RALGPS1: variants seen among roughly 807,000 people sequenced by gnomAD.
RALGPS1 encodes the protein ras-specific guanine nucleotide-releasing factor RalGPS1.
A neutral mutation model predicts 78.8 loss-of-function variants in RALGPS1; 19 were observed. That is an observed-to-expected ratio of 0.24 (90% CI 0.17 to 0.35). RALGPS1 has a LOEUF of 0.35. Among genes scored for constraint, RALGPS1 ranks in the 10% least tolerant of loss-of-function variants. RALGPS1 has a pLI of 1.00. For synonymous variants in RALGPS1, 228 were observed against 256.3 expected (o/e 0.89, Z 1.06); for missense variants, 454 against 688.3 (o/e 0.66, Z 3.81).
rs1204522235 is a variant in RALGPS1, at chr9:127,183,406, T to C, written c.910+8624T>C. 6.6e-6 allele frequency among the ~76,000 whole-genome samples: 1 copy of C among 152,094 alleles called. No homozygotes were observed. Among genetic ancestry groups the C allele is most frequent in the African/African-American group, 2.4e-5 (1 of 41,406 alleles). On this transcript the variant is annotated intron_variant, in intron 11 of 18. Coordinates refer to ENST00000259351, the MANE Select transcript of RALGPS1 (RefSeq NM_014636.3). The surrounding 1 kb of genome is among the most constrained non-coding windows in gnomAD (Gnocchi z 4.0). Reference sequence around the variant, plus strand: ...CAAAGTCTGGTGCCCACTGCCAGCTTCCTGATGTTTGGGTCCCCTCCAGCC... The same window carrying C: ...CAAAGTCTGGTGCCCACTGCCAGCTCCCTGATGTTTGGGTCCCCTCCAGCC...
chr9:127,132,311 A>G (rs1232272302), intron 8 of RALGPS1, among the ~76,000 whole-genome samples: 4 of 152,190 alleles, frequency 2.6e-5, no homozygotes, highest in African/African-American at 9.7e-5. Context: ...CTTTCCTGAT[A>G]CAGAAAAGGA....
intron 8 of RALGPS1, among the ~76,000 whole-genome samples, chr9:127,149,857 G>T (rs1463000966): frequency 6.6e-6 from 1 of 152,222 alleles, no homozygotes; most frequent in African/African-American, 2.4e-5. Flanking sequence ...AGGTCATGAT[G>T]CTTTCCTTGG....
intron 8 of RALGPS1, among the ~76,000 whole-genome samples, chr9:127,072,649 A>G (rs1433455306): frequency 6.6e-6 from 1 of 152,212 alleles, no homozygotes; most frequent in African/African-American, 2.4e-5. Flanking sequence ...CATGCTGGAA[A>G]AGAAGGTGTA....
Position 127,076,646 on chromosome 9 carries a change from G to A in RALGPS1, c.610+7290G>A, listed in dbSNP as rs370826346. On this transcript the variant is annotated intron_variant, in intron 8 of 18. Coordinates refer to ENST00000259351, the MANE Select transcript of RALGPS1 (RefSeq NM_014636.3). ...TATCTAAAAGGGCTTTCAAAAAGAA[G>A]TGATCATTGGTCAAAAAAAGTGTTT... is the stretch of plus-strand genomic sequence containing the variant. Among the ~76,000 whole-genome samples, 6 of 152,336 alleles carry A rather than the reference G, an allele frequency of 3.9e-5. No homozygotes were observed. The East Asian group carries it at 5.8e-4, about 15-fold the overall frequency.
chr9:127,185,537 C>T (rs1257900214), intron 11 of RALGPS1, among the ~76,000 whole-genome samples: 2 of 152,230 alleles, frequency 1.3e-5, no homozygotes, highest in African/African-American at 4.8e-5. Context: ...ATTTGCATGG[C>T]AGTGTTAATG....
At chr9:126,939,575 G>C (rs913752648) in intron 1 of RALGPS1, among the ~76,000 whole-genome samples, 1 of 152,174 alleles carries the variant, frequency 6.6e-6, no homozygotes, top group East Asian at 1.9e-4. Flanking sequence ...ACATGAGATG[G>C]GTACAATCCT....
intron 4 of RALGPS1, 113 bp downstream of exon 4, chr9:126,977,858 GTTATC>G: frequency 1.4e-6 from 1 of 715,362 alleles, no homozygotes; most frequent in Non-Finnish European, 2.3e-6. Flanking sequence ...ATAAATGCAT[GTTATC>G]CATTTAAACC....
chr9:126,930,054 A>G (rs1325471734), intron 1 of RALGPS1, among the ~76,000 whole-genome samples: 1 of 150,196 alleles, frequency 6.7e-6, no homozygotes, highest in African/African-American at 2.5e-5. Context: ...CTAGTGTTGA[A>G]CTCCTGGCCT....
chr9:127,186,998 C>G (rs1350782194), intron 11 of RALGPS1, among the ~76,000 whole-genome samples: 1 of 152,144 alleles, frequency 6.6e-6, no homozygotes, highest in Admixed American at 6.5e-5. Context: ...GAAAAGGAGT[C>G]AGGCAGGAGT....
At chr9:127,128,749 C>T (rs1284617148) in intron 8 of RALGPS1, among the ~76,000 whole-genome samples, 1 of 152,194 alleles carries the variant, frequency 6.6e-6, no homozygotes, top group African/African-American at 2.4e-5. Context: ...CCACATGTTC[C>T]CTGGCTCTGG....
At chr9:127,118,845 G>C (rs1388686680) in intron 8 of RALGPS1, among the ~76,000 whole-genome samples, 1 of 152,194 alleles carries the variant, frequency 6.6e-6, no homozygotes, top group Admixed American at 6.5e-5. Flanking sequence ...TACCTGCTTT[G>C]GCAGGGCTGC....
chr9:127,021,791 G>C (rs994412663), intron 4 of RALGPS1, among the ~76,000 whole-genome samples: 5 of 152,154 alleles, frequency 3.3e-5, no homozygotes, highest in Non-Finnish European at 1.5e-5. Context: ...TGTGAGCAGA[G>C]CTGCTGGCGG....
At chr9:127,184,269 G>A (rs866007250) in intron 11 of RALGPS1, 14 of 471,122 alleles carry the variant, frequency 3.0e-5, no homozygotes, top group East Asian at 4.3e-5. Context: ...ACAGTGAGCC[G>A]TGATCGCGCC....
chr9:127,009,036 T>G (rs994596336), intron 4 of RALGPS1, among the ~76,000 whole-genome samples: 8 of 152,218 alleles, frequency 5.3e-5, no homozygotes, highest in Admixed American at 6.5e-5. Flanking sequence ...CCTAGAGGCT[T>G]ATTTTTGTCA....
intron 17 of RALGPS1, 131 bp downstream of exon 17, chr9:127,213,180 A>G (rs1026392795): frequency 6.8e-6 from 10 of 1,474,744 alleles, no homozygotes; most frequent in Non-Finnish European, 9.0e-6. Context: ...TCTGACGTTC[A>G]TGGGGTCCAT....
chr9:127,203,554 C>G (rs2061761559), intron 14 of RALGPS1, among the ~76,000 whole-genome samples: 1 of 151,704 alleles, frequency 6.6e-6, no homozygotes, highest in Admixed American at 6.6e-5. Flanking sequence ...AGAGGAGGCC[C>G]CTGTAGTGGG....
chr9:126,972,099 G>A (rs985108840), intron 3 of RALGPS1, among the ~76,000 whole-genome samples: 7 of 152,210 alleles, frequency 4.6e-5, no homozygotes, highest in African/African-American at 1.7e-4. Context: ...TGTTCAAGAT[G>A]AGCCTGGTAC....
At position 127,210,060 on chromosome 9, in the gene RALGPS1, C is replaced by G. The variant is rs1224639979; in HGVS notation, c.1248-2071C>G. 2.6e-5 allele frequency among the ~76,000 whole-genome samples: 4 copies of G among 152,130 alleles called. No individual in the cohort carries two copies. In the East Asian group the frequency reaches 7.7e-4, roughly 29 times the overall value. On this transcript the variant is annotated intron_variant, in intron 14 of 18. Coordinates refer to ENST00000259351, the MANE Select transcript of RALGPS1 (RefSeq NM_014636.3). ...GGTGCCTCCCCGCGAAGAGGCTGAA[C>G]AGGAAGCTGCACGTTGCCCTGGAAA...
intron 7 of RALGPS1, among the ~76,000 whole-genome samples, chr9:127,066,711 A>G (rs1003280053): frequency 3.3e-5 from 5 of 152,186 alleles, no homozygotes; most frequent in African/African-American, 9.7e-5. Flanking sequence ...GTCTGAGTAT[A>G]TATTGTTCAT....
Sources: allele counts gnomAD v4.1 joint callset (sites outside exome capture counted in the v4.1 genomes callset), GRCh38; gene constraint gnomAD v4.1.1; non-coding constraint Gnocchi (gnomAD v3.1); transcripts MANE v1.5; gene names NCBI Gene and HGNC (gene_info 2026-07-23, HGNC 2026-07-21).